Variants in SP1 observed in about 807,000 individuals in gnomAD.
The protein encoded by SP1 is Sp1 transcription factor, also known as transcription factor Sp1.
SP1 carries 6 observed loss-of-function variants against 66.3 expected under a neutral mutation model. The ratio of observed to expected loss-of-function variants is 0.09; its 90% CI spans 0.05 to 0.18. The LOEUF (loss-of-function observed/expected upper bound fraction) is 0.18, where lower values mean the gene tolerates loss of function less well. SP1 is among the 10% of genes least tolerant of loss of function. The pLI is 1.00. For missense variants in SP1, 848 were observed against 964.5 expected, an observed-to-expected ratio of 0.88 and a Z score of 1.60; for synonymous variants, 417 against 360.8, an observed-to-expected ratio of 1.16 and a Z score of -1.77.
intron 3 of SP1, among the ~76,000 whole-genome samples, chr12:53,399,921 G>A (rs775995521): frequency 1.7e-4 from 26 of 152,012 alleles, no homozygotes; most frequent in African/African-American, 5.6e-4. Flanking sequence ...GTGAGCCACC[G>A]CGCCTGGCAA....
chr12:53,393,158 G>A (rs1456261789), intron 3 of SP1, among the ~76,000 whole-genome samples: 1 of 151,960 alleles, frequency 6.6e-6, no homozygotes, highest in East Asian at 1.9e-4. Context: ...CCTAGATCAA[G>A]ACAAAGACTT....
intron 4 of SP1, 146 bp downstream of exon 4, chr12:53,406,899 A>G (rs762328654): frequency 1.6e-6 from 1 of 644,822 alleles, no homozygotes; most frequent in Admixed American, 3.0e-5. Flanking sequence ...ATCTTGGCTC[A>G]CTGCAAACTC....
intron 3 of SP1, 57 bp downstream of exon 3, chr12:53,383,679 A>C: frequency 7.1e-7 from 1 of 1,410,314 alleles, no homozygotes; most frequent in Non-Finnish European, 9.7e-7. Flanking sequence ...CGTAGCTGAA[A>C]CTTGAGTCTA....
chr12:53,391,195 A>G (rs1381175685), intron 3 of SP1, among the ~76,000 whole-genome samples: 1 of 152,046 alleles, frequency 6.6e-6, no homozygotes, highest in Non-Finnish European at 1.5e-5. Flanking sequence ...CTTTTCTTTA[A>G]CATTTAGCAG....
chr12:53,383,887 A>C (rs1371297343), intron 3 of SP1, among the ~76,000 whole-genome samples: 1 of 152,194 alleles, frequency 6.6e-6, no homozygotes, highest in South Asian at 2.1e-4. Context: ...GCTGCAGAAT[A>C]ATGGTTGACA....
chr12:53,387,629 A>G (rs892893224), intron 3 of SP1, among the ~76,000 whole-genome samples: 1 of 152,184 alleles, frequency 6.6e-6, no homozygotes, highest in Non-Finnish European at 1.5e-5. Flanking sequence ...AGCTGAGGCT[A>G]GTTTTACTAG....
rs768547505 is a variant in SP1 at position 53,411,289 on chromosome 12, G to A, written c.*49G>A. The A allele has an allele frequency of 4.7e-5, 69 of 1,461,872 alleles. No individual in the cohort carries two copies. The highest frequency in any genetic ancestry group is 3.0e-4 in the East Asian group (13 of 43,968). 90.6% of individuals were successfully genotyped at this position (1,461,872 alleles called of 1,614,324 possible). A position where few individuals can be genotyped will look rare whatever the true frequency, so the allele number is the denominator to read the frequency against. On this transcript the variant is annotated 3_prime_UTR_variant, in exon 6 of 6. Transcript: ENST00000327443. ...CATATGGGCCATACCCCTTAACCCC[G>A]GGATGCAAGGTAGCATGGGTCCAAG... is the stretch of plus-strand genomic sequence containing the variant.
Position 53,395,292 on chromosome 12 carries a change from A to G in SP1, c.1676-11293A>G, listed in dbSNP as rs570096448. Among the ~76,000 whole-genome samples, 7 of 152,274 alleles carry G rather than the reference A, an allele frequency of 4.6e-5. No homozygotes were observed. The South Asian group carries it at 1.2e-3, about 27-fold the overall frequency. ...GAGGTGGAATTTGCAGTGAGTTGAGACAGCACCACTGTACTCCAGCCTGGG... is the reference window on the plus strand; with the variant it reads ...GAGGTGGAATTTGCAGTGAGTTGAGGCAGCACCACTGTACTCCAGCCTGGG... On this transcript the variant is annotated intron_variant, in intron 3 of 5. Transcript: ENST00000327443.
intron 3 of SP1, among the ~76,000 whole-genome samples, chr12:53,404,818 A>T (rs750721107): frequency 1.3e-5 from 2 of 151,894 alleles, no homozygotes; most frequent in Non-Finnish European, 2.9e-5. Flanking sequence ...CCATAGGCGC[A>T]TGCCACCATG....
chr12:53,404,914 C>T (rs1938697966), intron 3 of SP1, among the ~76,000 whole-genome samples: 1 of 152,154 alleles, frequency 6.6e-6, no homozygotes, highest in Non-Finnish European at 1.5e-5. Flanking sequence ...CGGCTCACTG[C>T]AACCTCTGCC....
At chr12:53,391,812 C>A (rs1422376263) in intron 3 of SP1, among the ~76,000 whole-genome samples, 1 of 151,110 alleles carries the variant, frequency 6.6e-6, no homozygotes, top group Non-Finnish European at 1.5e-5. Context: ...CATGAATACT[C>A]AATGTTTAGC....
chr12:53,404,996 G>C (rs73311402), intron 3 of SP1, among the ~76,000 whole-genome samples: 2,044 of 152,144 alleles, frequency 0.013, 38 homozygotes, highest in African/African-American at 0.045. Context: ...ACCATACCCA[G>C]CTGATTTTTT....
In SP1 at chr12:53,397,838, G is replaced by A. The variant is rs569616436; in HGVS notation, c.1676-8747G>A. ...CAAAGTGCTGGGATTACAGGCGTGA[G>A]CCACTGCGCCCGACCGTAGATAATC... On this transcript the variant is annotated intron_variant, in intron 3 of 5. Transcript: ENST00000327443. Among the ~76,000 whole-genome samples the A allele has an allele frequency of 5.3e-5, 8 of 152,112 alleles. No individual in the cohort carries two copies. The East Asian group carries it at 1.5e-3, about 29-fold the overall frequency.
chr12:53,383,656 C>T (rs974044839), intron 3 of SP1, 34 bp downstream of exon 3: 5 of 1,535,408 alleles, frequency 3.3e-6, no homozygotes, highest in South Asian at 1.2e-5. Context: ...TTATTGGGAA[C>T]CAACTCTAGC....
intron 3 of SP1, among the ~76,000 whole-genome samples, chr12:53,398,760 C>T (rs2136907939): frequency 1.3e-5 from 2 of 152,092 alleles, no homozygotes. Context: ...ATCTGTAGAA[C>T]TTAAATTTGC....
chr12:53,381,997 TTC>T, intron 2 of SP1, 111 bp from the exon 3 acceptor site: 1 of 1,199,560 alleles, frequency 8.3e-7, no homozygotes. Flanking sequence ...AGCTTTTTGT[TTC>T]TGTTTTTTGC....
intron 3 of SP1, among the ~76,000 whole-genome samples, chr12:53,391,346 CTTTTTTT>C (rs71068117): frequency 1.0e-5 from 1 of 97,460 alleles, no homozygotes; most frequent in Non-Finnish European, 2.0e-5. Flanking sequence ...TAAGTAATGT[CTTTTTTT>C]TTTTTTTTTT....
In SP1 at chr12:53,413,704, G is replaced by C. The variant is rs2136923933; in HGVS notation, c.*2464G>C. ...GTACTTTGGCATCTTTTGGAGGAAA[G>C]GGGCAGGATAACTCACTGGAATGTA... is the stretch of plus-strand genomic sequence containing the variant. On this transcript the variant is annotated 3_prime_UTR_variant, in exon 6 of 6. Transcript: ENST00000327443. The C allele has an allele frequency of 6.6e-6, 1 of 152,656 alleles. No homozygotes were observed. Among genetic ancestry groups the C allele is most frequent in the East Asian group, 1.9e-4 (1 of 5,190 alleles). The allele number at this position is 152,656 out of a possible 1,614,324, so 9.5% of individuals were successfully genotyped here. A position where few individuals can be genotyped will look rare whatever the true frequency, so the allele number is the denominator to read the frequency against.
At chr12:53,408,714 G>A (rs1477116626) in intron 4 of SP1, among the ~76,000 whole-genome samples, 1 of 150,284 alleles carries the variant, frequency 6.7e-6, no homozygotes, top group Admixed American at 6.6e-5. Context: ...AGACCATCCT[G>A]GCTAACATGG....
Sources: allele counts gnomAD v4.1 joint callset (sites outside exome capture counted in the v4.1 genomes callset), GRCh38; gene constraint gnomAD v4.1.1; transcripts MANE v1.5; gene names NCBI Gene and HGNC (gene_info 2026-07-23, HGNC 2026-07-21).